Variants in AUTS2 observed in about 807,000 individuals in gnomAD.
AUTS2 encodes autism susceptibility gene 2 protein.
AUTS2 carries 17 observed loss-of-function variants against 112.4 expected under a neutral mutation model. The observed-to-expected ratio is 0.15, with a 90% CI of 0.10 to 0.23. The LOEUF is 0.23. Among genes scored for constraint, AUTS2 ranks in the 10% least tolerant of loss-of-function variants. AUTS2 has a pLI of 1.00. For synonymous variants in AUTS2, 751 were observed against 702.7 expected (o/e 1.07, Z -1.09); for missense variants, 1,510 against 1,701.6 (o/e 0.89, Z 1.98).
intron 4 of AUTS2, among the ~76,000 whole-genome samples, chr7:70,214,745 T>G (rs1359565190): frequency 6.6e-6 from 1 of 152,244 alleles, no homozygotes; most frequent in East Asian, 1.9e-4. Flanking sequence ...CTTCGATACC[T>G]TGGATCTGTA....
intron 2 of AUTS2, among the ~76,000 whole-genome samples, chr7:70,040,518 G>A (rs772702250): frequency 2.0e-5 from 3 of 152,176 alleles, no homozygotes; most frequent in Non-Finnish European, 4.4e-5. Flanking sequence ...TTAAGTAATA[G>A]CCATTTTACA....
chr7:70,696,985 G>C (rs921464117), intron 5 of AUTS2, among the ~76,000 whole-genome samples: 2 of 152,100 alleles, frequency 1.3e-5, no homozygotes, highest in African/African-American at 4.8e-5. Context: ...TGAAAGGATG[G>C]TAAAATACAC....
intron 5 of AUTS2, among the ~76,000 whole-genome samples, chr7:70,612,040 G>T (rs1350866170): frequency 6.6e-6 from 1 of 152,166 alleles, no homozygotes; most frequent in Non-Finnish European, 1.5e-5. Context: ...ATACACAAAT[G>T]TGTGCATTGG....
chr7:70,778,771 A>G (rs1044363851), intron 14 of AUTS2, among the ~76,000 whole-genome samples: 2 of 152,146 alleles, frequency 1.3e-5, no homozygotes, highest in Non-Finnish European at 2.9e-5. Context: ...TATCTTAGAA[A>G]ATGTGTGTGC....
At chr7:70,160,375 A>G (rs1808010999) in intron 4 of AUTS2, among the ~76,000 whole-genome samples, 1 of 152,196 alleles carries the variant, frequency 6.6e-6, no homozygotes, top group East Asian at 1.9e-4. Flanking sequence ...CTTTCTGCTC[A>G]CTTTAATTCT....
chr7:70,352,873 G>A (rs1018372182), intron 4 of AUTS2, among the ~76,000 whole-genome samples: 4 of 152,202 alleles, frequency 2.6e-5, no homozygotes, highest in Non-Finnish European at 4.4e-5. Flanking sequence ...CATTCTAAGC[G>A]AAGATTTAAC....
intron 1 of AUTS2, among the ~76,000 whole-genome samples, chr7:69,897,992 T>C (rs1794823738): frequency 6.6e-6 from 1 of 152,200 alleles, no homozygotes; most frequent in Non-Finnish European, 1.5e-5. Context: ...TGGTTTTGTT[T>C]TATTTTTAAA....
intron 3 of AUTS2, among the ~76,000 whole-genome samples, chr7:70,123,091 G>A: frequency 6.6e-6 from 1 of 151,982 alleles, no homozygotes; most frequent in East Asian, 1.9e-4. Flanking sequence ...GGCCAGGCTG[G>A]TCTCAAACTC....
chr7:70,173,732 A>G (rs973600061), intron 4 of AUTS2, among the ~76,000 whole-genome samples: 4 of 152,086 alleles, frequency 2.6e-5, no homozygotes, highest in African/African-American at 9.7e-5. Context: ...ACTATTTCAA[A>G]CTTTTTTATT....
intron 6 of AUTS2, among the ~76,000 whole-genome samples, chr7:70,735,820 A>G (rs1042344964): frequency 6.6e-6 from 1 of 152,208 alleles, no homozygotes; most frequent in Non-Finnish European, 1.5e-5. Flanking sequence ...TGTGACCTAG[A>G]TGAACGGAAC....
intron 4 of AUTS2, chr7:70,290,741 G>C (rs1321896995): frequency 9.8e-7 from 1 of 1,021,704 alleles, no homozygotes; most frequent in Non-Finnish European, 1.3e-6. Context: ...TTGGCATTAA[G>C]CTATGACTGT....
At chr7:70,250,109 A>G (rs1179399783) in intron 4 of AUTS2, among the ~76,000 whole-genome samples, 1 of 152,050 alleles carries the variant, frequency 6.6e-6, no homozygotes, top group Non-Finnish European at 1.5e-5. Flanking sequence ...CTTCAAAGCA[A>G]GACAACTTTG....
chr7:69,728,874 G>T (rs926416250), intron 1 of AUTS2, among the ~76,000 whole-genome samples: 2 of 152,062 alleles, frequency 1.3e-5, no homozygotes, highest in African/African-American at 4.8e-5. Context: ...CTAGAAAATA[G>T]CCAGTGTCTA....
At chr7:70,669,013 T>C (rs1250734567) in intron 5 of AUTS2, among the ~76,000 whole-genome samples, 1 of 152,264 alleles carries the variant, frequency 6.6e-6, no homozygotes, top group Admixed American at 6.5e-5. Flanking sequence ...GGGAATTTTC[T>C]GATACAAGCA....
chr7:70,589,410 A>G (rs1802833873), intron 5 of AUTS2, among the ~76,000 whole-genome samples: 1 of 152,008 alleles, frequency 6.6e-6, no homozygotes, highest in African/African-American at 2.4e-5. Flanking sequence ...AAAAAAAATG[A>G]CCTAGAAAGA....
At chr7:69,873,063 G>T (rs1018673077) in intron 1 of AUTS2, among the ~76,000 whole-genome samples, 1 of 151,472 alleles carries the variant, frequency 6.6e-6, no homozygotes, top group Non-Finnish European at 1.5e-5. Context: ...GGCTGGTCTC[G>T]AACTCCTGAC....
chr7:70,704,205 C>T (rs973959815), intron 6 of AUTS2, among the ~76,000 whole-genome samples: 2 of 152,126 alleles, frequency 1.3e-5, no homozygotes, highest in African/African-American at 4.8e-5. Context: ...CTTGTGAATG[C>T]GTGTGGTGGT....
intron 4 of AUTS2, among the ~76,000 whole-genome samples, chr7:70,140,153 A>G (rs543573592): frequency 2.0e-5 from 3 of 152,334 alleles, no homozygotes; most frequent in East Asian, 3.9e-4. Flanking sequence ...AAGCTGATCT[A>G]GCAGTGGCTA....
intron 5 of AUTS2, among the ~76,000 whole-genome samples, chr7:70,553,706 T>G (rs889370564): frequency 3.3e-5 from 5 of 152,078 alleles, no homozygotes; most frequent in Non-Finnish European, 5.9e-5. Flanking sequence ...GATTTTTTTT[T>G]TTTTAAGACT....
Sources: allele counts gnomAD v4.1 joint callset (sites outside exome capture counted in the v4.1 genomes callset), GRCh38; gene constraint gnomAD v4.1.1; transcripts MANE v1.5; gene names NCBI Gene and HGNC (gene_info 2026-07-23, HGNC 2026-07-21).